Variants in RCAN2 observed in about 807,000 individuals in gnomAD.
RCAN2 encodes regulator of calcineurin 2.
A neutral mutation model predicts 23.6 loss-of-function variants in RCAN2; 9 were observed. That is an observed-to-expected ratio of 0.38 (90% CI 0.23 to 0.67). The LOEUF (loss-of-function observed/expected upper bound fraction) is 0.67, where lower values mean the gene tolerates loss of function less well. Ranked by LOEUF, RCAN2 falls within the 30% of genes least tolerant of loss-of-function variation. The pLI, the probability that RCAN2 is intolerant of heterozygous loss-of-function variation, is 0.51. For missense variants in RCAN2, 273 were observed against 302.3 expected (o/e 0.90, Z 0.72); for synonymous variants, 109 against 115.7 (o/e 0.94, Z 0.37).
rs1415408056 is a variant in RCAN2 at position 46,282,196 on chromosome 6, T to C, written c.226-33300A>G. ...TTATCCAAAACAGACCACTCAAATA[T>C]CCAACATACAACTTGTGTTACTGCT... On this transcript the variant is annotated intron_variant, in intron 2 of 4. Transcript: ENST00000371374. Among the ~76,000 whole-genome samples the C allele has an allele frequency of 2.0e-5, 3 of 152,066 alleles. No individual in the cohort carries two copies. The East Asian group carries it at 5.8e-4, about 29-fold the overall frequency.
chr6:46,284,707 G>A (rs1237687301), intron 2 of RCAN2, among the ~76,000 whole-genome samples: 8 of 152,244 alleles, frequency 5.3e-5, no homozygotes, highest in South Asian at 2.1e-4. Flanking sequence ...AGTGCTGGCC[G>A]CATGGCATCC....
intron 2 of RCAN2, among the ~76,000 whole-genome samples, chr6:46,452,608 G>T (rs1429267161): frequency 6.6e-6 from 1 of 152,270 alleles, no homozygotes; most frequent in East Asian, 1.9e-4. Flanking sequence ...ACATTGGGTA[G>T]AAACAGCCAG....
intron 2 of RCAN2, among the ~76,000 whole-genome samples, chr6:46,278,368 A>G (rs1252049594): frequency 6.6e-6 from 1 of 151,748 alleles, no homozygotes; most frequent in East Asian, 1.9e-4. Flanking sequence ...CTTTTGTCCC[A>G]CCCATCCTTT....
At chr6:46,301,623 G>T (rs976600272) in intron 2 of RCAN2, among the ~76,000 whole-genome samples, 1 of 152,064 alleles carries the variant, frequency 6.6e-6, no homozygotes, top group Admixed American at 6.6e-5. Flanking sequence ...TAACAAATAG[G>T]AATATATTAG....
At position 46,237,201 on chromosome 6, in the gene RCAN2, A is replaced by G. The variant is rs570558758; in HGVS notation, c.571+9547T>C. On this transcript the variant is annotated intron_variant, in intron 4 of 4. Coordinates refer to ENST00000371374, the MANE Select transcript of RCAN2 (RefSeq NM_001251974.2). ...TTAGTGAATATTTGTTCTCTAGCTA[A>G]AGATGGATCATGTATTCCTTCTGAA... Among the ~76,000 whole-genome samples the G allele has an allele frequency of 1.4e-3, 217 of 152,334 alleles. 3 individuals carry two copies. The highest frequency in any genetic ancestry group is 4.8e-3 in the African/African-American group (198 of 41,582).
intron 2 of RCAN2, among the ~76,000 whole-genome samples, chr6:46,341,990 C>T (rs1764334001): frequency 6.7e-6 from 1 of 149,576 alleles, no homozygotes; most frequent in Non-Finnish European, 1.5e-5. Flanking sequence ...TACATATTCA[C>T]AACTGCTTAG....
rs112003320 is a variant in RCAN2, at chr6:46,364,556, A to T, written c.225+92196T>A. Among the ~76,000 whole-genome samples, 1,076 of 152,288 alleles carry T rather than the reference A, an allele frequency of 7.1e-3. 7 individuals are homozygous for T. Among genetic ancestry groups the T allele is most frequent in the African/African-American group, 0.024 (1,015 of 41,556 alleles). Reference sequence around the variant, plus strand: ...TTTCCATGTGCTTACGCGGAGACTGAGCTGCCTGCTTAGCCTCACACAGCT... The same window carrying T: ...TTTCCATGTGCTTACGCGGAGACTGTGCTGCCTGCTTAGCCTCACACAGCT... On this transcript the variant is annotated intron_variant, in intron 2 of 4. Transcript: ENST00000371374.
chr6:46,247,200 G>A (rs1218969108), intron 3 of RCAN2, among the ~76,000 whole-genome samples: 1 of 152,126 alleles, frequency 6.6e-6, no homozygotes, highest in Non-Finnish European at 1.5e-5. Context: ...CAGGAGGCCT[G>A]GGATGGGGCC....
intron 2 of RCAN2, among the ~76,000 whole-genome samples, chr6:46,314,327 A>G (rs1430607414): frequency 2.7e-5 from 4 of 147,206 alleles, no homozygotes; most frequent in Admixed American, 6.9e-5. Context: ...GCAACACTGC[A>G]CTAAAGCCTG....
At chr6:46,478,472 C>T (rs1240945614) in intron 1 of RCAN2, among the ~76,000 whole-genome samples, 1 of 152,114 alleles carries the variant, frequency 6.6e-6, no homozygotes, top group Non-Finnish European at 1.5e-5. Context: ...TACAATATGG[C>T]CCTGGGCTAC....
intron 2 of RCAN2, among the ~76,000 whole-genome samples, chr6:46,448,662 G>C (rs906321379): frequency 1.3e-5 from 2 of 151,622 alleles, no homozygotes; most frequent in African/African-American, 4.8e-5. Flanking sequence ...AGAAAAGCAA[G>C]AATAATTCAA....
At chr6:46,434,785 C>A (rs1267096079) in intron 2 of RCAN2, among the ~76,000 whole-genome samples, 2 of 152,130 alleles carry the variant, frequency 1.3e-5, no homozygotes, top group African/African-American at 4.8e-5. Context: ...GGACATCTGG[C>A]AATGTCTGGG....
At chr6:46,491,029 C>G (rs1162408959) in intron 1 of RCAN2, 144 bp downstream of exon 1, 4 of 149,636 alleles carry the variant, frequency 2.7e-5, no homozygotes, top group Non-Finnish European at 6.0e-5. Flanking sequence ...GCCCCCGCCC[C>G]CGCCCCCGCC....
At chr6:46,373,428 C>T (rs1582150621) in intron 2 of RCAN2, among the ~76,000 whole-genome samples, 1 of 152,050 alleles carries the variant, frequency 6.6e-6, no homozygotes, top group African/African-American at 2.4e-5. Flanking sequence ...CCACGCCTAG[C>T]TAATTTTTTG....
At chr6:46,443,068 T>C (rs1388946580) in intron 2 of RCAN2, among the ~76,000 whole-genome samples, 2 of 152,190 alleles carry the variant, frequency 1.3e-5, no homozygotes, top group Non-Finnish European at 2.9e-5. Flanking sequence ...AGTACAATGA[T>C]ATGCCCTTTT....
intron 2 of RCAN2, among the ~76,000 whole-genome samples, chr6:46,251,682 C>A (rs1015819801): frequency 1.3e-5 from 2 of 152,104 alleles, no homozygotes; most frequent in Non-Finnish European, 2.9e-5. Context: ...CAAGAGACTG[C>A]ATTAGGAGCA....
rs543316475 is a variant in RCAN2 at position 46,343,352 on chromosome 6, T to C, written c.226-94456A>G. Among the ~76,000 whole-genome samples the C allele has an allele frequency of 2.6e-5, 4 of 151,622 alleles. 1 individual carries two copies. In the East Asian group the frequency reaches 5.8e-4, roughly 22 times the overall value. On this transcript the variant is annotated intron_variant, in intron 2 of 4. Coordinates refer to ENST00000371374, the MANE Select transcript of RCAN2 (RefSeq NM_001251974.2). ...ATGTATTTCACGTGAGAATGTAAAA[T>C]GGTATAGCCACTTGGGAAAACAATT...
chr6:46,253,259 TTTTAA>T (rs1282181797), intron 2 of RCAN2, among the ~76,000 whole-genome samples: 1 of 152,228 alleles, frequency 6.6e-6, no homozygotes, highest in African/African-American at 2.4e-5. Context: ...TTTTCCAAAA[TTTTAA>T]TTTTTGCTTG....
At chr6:46,452,916 A>G (rs1767921896) in intron 2 of RCAN2, among the ~76,000 whole-genome samples, 1 of 152,222 alleles carries the variant, frequency 6.6e-6, no homozygotes, top group African/African-American at 2.4e-5. Flanking sequence ...CTGCACATGT[A>G]TCCCATAACT....
Sources: allele counts gnomAD v4.1 joint callset (sites outside exome capture counted in the v4.1 genomes callset), GRCh38; gene constraint gnomAD v4.1.1; transcripts MANE v1.5; gene names NCBI Gene and HGNC (gene_info 2026-07-23, HGNC 2026-07-21).